TCF12: variants seen among roughly 807,000 people sequenced by gnomAD.
TCF12 encodes DNA-binding protein HTF4.
Under a neutral mutation model 86.0 loss-of-function variants are expected in TCF12, and 45 were observed. The observed-to-expected ratio is 0.52, with a 90% confidence interval of 0.41 to 0.67. The LOEUF (loss-of-function observed/expected upper bound fraction) is 0.67, where lower values mean the gene tolerates loss of function less well. TCF12 is among the 30% of genes least tolerant of loss of function. The pLI is 0.00. For missense variants in TCF12, 881 were observed against 859.9 expected (o/e 1.02, Z -0.31); for synonymous variants, 330 against 299.6 (o/e 1.10, Z -1.05).
At chr15:57,145,808 T>TA (rs2053316576) in intron 5 of TCF12, among the ~76,000 whole-genome samples, 1 of 152,158 alleles carries the variant, frequency 6.6e-6, no homozygotes, top group African/African-American at 2.4e-5. Flanking sequence ...AGCCTCTCCT[T>TA]ATGCTACTCT....
rs1431164489 is a variant in TCF12, at chr15:57,069,695, T to C, written c.222+5872T>C. 2.6e-5 allele frequency among the ~76,000 whole-genome samples: 4 copies of C among 152,200 alleles called. No homozygotes were observed. The East Asian group carries it at 7.7e-4, about 29-fold the overall frequency. On this transcript the variant is annotated intron_variant, in intron 4 of 20. Coordinates refer to ENST00000333725, the MANE Select transcript of TCF12 (RefSeq NM_207037.2). The stretch of plus-strand genomic sequence containing the variant: ...AGCCTCTGGCATGACAGAACTCAGA[T>C]ATTCTGAATCTTATGCTAGTGCTTT...
chr15:57,195,122 C>T (rs1374551019), intron 7 of TCF12, among the ~76,000 whole-genome samples: 2 of 152,084 alleles, frequency 1.3e-5, no homozygotes, highest in Non-Finnish European at 2.9e-5. Flanking sequence ...AGGCTGGTCT[C>T]GAACTCCTGA....
At chr15:56,956,788 C>G (rs2061520261) in intron 3 of TCF12, among the ~76,000 whole-genome samples, 1 of 151,664 alleles carries the variant, frequency 6.6e-6, no homozygotes, top group Admixed American at 6.6e-5. Context: ...TTTTTTCTTA[C>G]TGCTTTTAAG....
At chr15:56,959,399 A>T (rs557914405) in intron 3 of TCF12, among the ~76,000 whole-genome samples, 1 of 152,336 alleles carries the variant, frequency 6.6e-6, no homozygotes, top group African/African-American at 2.4e-5. Flanking sequence ...GAGGTGTGGA[A>T]TGGCAAAGCT....
chr15:57,249,979 TA>T (rs1277420574), intron 13 of TCF12, among the ~76,000 whole-genome samples: 5 of 152,340 alleles, frequency 3.3e-5, no homozygotes, highest in Middle Eastern at 6.8e-3. Flanking sequence ...ATGGATGAAT[TA>T]TTTTTTTATG....
chr15:56,991,689 A>G (rs976650022), intron 3 of TCF12, among the ~76,000 whole-genome samples: 1 of 152,210 alleles, frequency 6.6e-6, no homozygotes, highest in African/African-American at 2.4e-5. Flanking sequence ...AACATTTAAC[A>G]TTTTTAAACT....
In TCF12 at chr15:57,226,597, T is replaced by C. The variant is rs532397088; in HGVS notation, c.580-4555T>C. Among the ~76,000 whole-genome samples, 115 of 152,318 alleles carry C rather than the reference T, an allele frequency of 7.5e-4. 2 individuals carry two copies. The South Asian group carries it at 0.023, about 31-fold the overall frequency. ...ATAGTGAAATCTTGGTAATTAGTTC[T>C]GTGTTGGACCATGTTCAGAAAAGTA... On this transcript the variant is annotated intron_variant, in intron 8 of 20. Coordinates refer to ENST00000333725, the MANE Select transcript of TCF12 (RefSeq NM_207037.2).
intron 3 of TCF12, among the ~76,000 whole-genome samples, chr15:56,968,946 C>G (rs1185924957): frequency 6.6e-6 from 1 of 152,170 alleles, no homozygotes; most frequent in Non-Finnish European, 1.5e-5. Flanking sequence ...AGGTTGCATT[C>G]TTTTGAGTCC....
chr15:56,998,129 G>GAAAGAAATTAAAAA (rs2063808836), intron 3 of TCF12, among the ~76,000 whole-genome samples: 1 of 152,284 alleles, frequency 6.6e-6, no homozygotes, highest in African/African-American at 2.4e-5. Flanking sequence ...CTTACGAATA[G>GAAAGAAATTAAAAA]AACTAGTAGA....
At chr15:57,071,784 A>G (rs1473953858) in intron 4 of TCF12, among the ~76,000 whole-genome samples, 1 of 152,246 alleles carries the variant, frequency 6.6e-6, no homozygotes, top group African/African-American at 2.4e-5. Flanking sequence ...TGGATGGTCA[A>G]GAAAGACTTA....
intron 3 of TCF12, among the ~76,000 whole-genome samples, chr15:57,032,754 T>C (rs1377364514): frequency 6.6e-6 from 1 of 152,230 alleles, no homozygotes; most frequent in Non-Finnish European, 1.5e-5. Flanking sequence ...TGATCCTTAG[T>C]TTTATAGCAC....
intron 5 of TCF12, among the ~76,000 whole-genome samples, chr15:57,104,864 T>G (rs1188952208): frequency 2.8e-4 from 34 of 119,372 alleles, no homozygotes; most frequent in African/African-American, 1.3e-3. Flanking sequence ...TGGTGGTGTT[T>G]TTTTTTTTTT....
intron 3 of TCF12, among the ~76,000 whole-genome samples, chr15:56,953,033 T>C (rs1309759918): frequency 2.0e-5 from 3 of 152,056 alleles, no homozygotes; most frequent in Non-Finnish European, 2.9e-5. Flanking sequence ...CTTCTATTCC[T>C]AGCTTCTAAG....
chr15:57,071,566 C>T (rs1386641195), intron 4 of TCF12, among the ~76,000 whole-genome samples: 7 of 151,962 alleles, frequency 4.6e-5, no homozygotes, highest in Non-Finnish European at 8.8e-5. Context: ...GCCCGGGAGG[C>T]GGAGGTTAGA....
At chr15:57,212,932 A>G (rs1175085562) in intron 8 of TCF12, among the ~76,000 whole-genome samples, 2 of 152,194 alleles carry the variant, frequency 1.3e-5, no homozygotes, top group Non-Finnish European at 2.9e-5. Flanking sequence ...TGAGTAGCCC[A>G]TCTTATATTA....
intron 3 of TCF12, among the ~76,000 whole-genome samples, chr15:56,984,291 T>TGTGTGTGTGA (rs1343986578): frequency 6.8e-6 from 1 of 146,460 alleles, no homozygotes; most frequent in Non-Finnish European, 1.5e-5. Flanking sequence ...TGTGTGTGTG[T>TGTGTGTGTGA]GTGAAGGGTG....
At chr15:56,950,818 G>A (rs2061238766) in intron 3 of TCF12, among the ~76,000 whole-genome samples, 3 of 135,342 alleles carry the variant, frequency 2.2e-5, no homozygotes, top group African/African-American at 5.6e-5. Context: ...GTGCAATGGC[G>A]TGATCTCGGC....
At chr15:57,195,284 G>A (rs1193536002) in intron 7 of TCF12, among the ~76,000 whole-genome samples, 2 of 152,172 alleles carry the variant, frequency 1.3e-5, no homozygotes, top group African/African-American at 4.8e-5. Flanking sequence ...CAGACATTTT[G>A]TATTTGATTG....
rs573081179 is a variant in TCF12 at position 56,968,938 on chromosome 15, G to A, written c.148+47840G>A. Among the ~76,000 whole-genome samples, 58 of 152,322 alleles carry A rather than the reference G, an allele frequency of 3.8e-4. 1 individual carries two copies. Among genetic ancestry groups the A allele is most frequent in the African/African-American group, 1.4e-3 (57 of 41,580 alleles). ...GTCTTAAGTAGATGAGAGACAAAAG[G>A]TTGCATTCTTTTGAGTCCTTGGTTA... On this transcript the variant is annotated intron_variant, in intron 3 of 20. Coordinates refer to ENST00000333725, the MANE Select transcript of TCF12 (RefSeq NM_207037.2).
Sources: gnomAD v4.1 joint callset for allele counts (sites outside exome capture counted in the v4.1 genomes callset) on GRCh38, gnomAD v4.1.1 for gene constraint, MANE v1.5 for transcripts, NCBI Gene and HGNC (gene_info 2026-07-23, HGNC 2026-07-21) for gene names.